The following EPS15 variants were observed in gnomAD, a reference collection of about 807,000 sequenced individuals.
EPS15 encodes epidermal growth factor receptor substrate 15.
A neutral mutation model predicts 113.8 loss-of-function variants in EPS15; 72 were observed. The ratio of observed to expected loss-of-function variants is 0.63; its 90% CI spans 0.52 to 0.77. EPS15 has a LOEUF of 0.77. Among genes scored for constraint, EPS15 ranks in the 30% least tolerant of loss-of-function variants. The pLI, the probability that EPS15 is intolerant of heterozygous loss-of-function variation, is 0.00. For missense variants in EPS15, 1,048 were observed against 1,045.8 expected (o/e 1.00, Z -0.03); for synonymous variants, 344 against 363.4 (o/e 0.95, Z 0.61).
intron 13 of EPS15, among the ~76,000 whole-genome samples, chr1:51,410,061 CAA>C (rs1352864932): frequency 2.6e-4 from 28 of 108,994 alleles, no homozygotes; most frequent in Admixed American, 3.8e-4. Flanking sequence ...AACAAAAATG[CAA>C]AAAAAAAAAA....
At chr1:51,508,993 C>A (rs1007823692) in intron 1 of EPS15, among the ~76,000 whole-genome samples, 2 of 152,142 alleles carry the variant, frequency 1.3e-5, no homozygotes, top group African/African-American at 4.8e-5. Flanking sequence ...CCAAAAGTTT[C>A]ATCATAATCA....
intron 8 of EPS15, chr1:51,460,889 G>A (rs994755301): frequency 2.2e-6 from 1 of 455,412 alleles, no homozygotes; most frequent in African/African-American, 2.1e-5. Context: ...GGGAGGTAGA[G>A]GTTGTGGTGA....
intron 1 of EPS15, among the ~76,000 whole-genome samples, chr1:51,494,827 T>G (rs2148542546): frequency 6.6e-6 from 1 of 152,406 alleles, no homozygotes. Flanking sequence ...ATACTGGATC[T>G]GTGCCCCACT....
At chr1:51,464,960 T>G (rs1654740507) in intron 6 of EPS15, among the ~76,000 whole-genome samples, 1 of 152,242 alleles carries the variant, frequency 6.6e-6, no homozygotes. Context: ...TAACCAGAAT[T>G]TTCAAGTAAG....
intron 21 of EPS15, among the ~76,000 whole-genome samples, chr1:51,392,708 T>C (rs1057012628): frequency 2.0e-5 from 3 of 152,254 alleles, no homozygotes; most frequent in African/African-American, 7.2e-5. Context: ...GCTAAAATAC[T>C]AGCCCATGCT....
intron 5 of EPS15, 86 bp from the exon 6 acceptor site, chr1:51,465,412 G>T: frequency 1.2e-6 from 1 of 807,990 alleles, no homozygotes. Context: ...ATTTAAATAT[G>T]TTCACACAAA....
intron 15 of EPS15, among the ~76,000 whole-genome samples, chr1:51,407,203 G>C (rs1376559183): frequency 6.6e-6 from 1 of 150,522 alleles, no homozygotes; most frequent in Admixed American, 6.6e-5. Flanking sequence ...TTTTTTTTTA[G>C]TTTTTATTTT....
intron 12 of EPS15, among the ~76,000 whole-genome samples, chr1:51,439,280 G>A (rs543669198): frequency 6.6e-6 from 1 of 152,114 alleles, no homozygotes; most frequent in African/African-American, 2.4e-5. Flanking sequence ...CTTAGTTTGG[G>A]TTTAGTTCTT....
intron 8 of EPS15, among the ~76,000 whole-genome samples, chr1:51,451,275 G>A (rs1653524659): frequency 2.0e-5 from 3 of 151,700 alleles, no homozygotes; most frequent in Admixed American, 2.0e-4. Context: ...GATCACCTGA[G>A]GTCAGGAGTT....
At chr1:51,471,060 G>T (rs1357602905) in intron 4 of EPS15, among the ~76,000 whole-genome samples, 1 of 152,096 alleles carries the variant, frequency 6.6e-6, no homozygotes, top group African/African-American at 2.4e-5. Context: ...CCAATATCTG[G>T]CTTTGATCCT....
intron 23 of EPS15, 60 bp from the exon 24 acceptor site, chr1:51,361,415 G>T: frequency 1.5e-6 from 2 of 1,297,574 alleles, no homozygotes; most frequent in Non-Finnish European, 1.1e-6. Context: ...AAGCACACAA[G>T]AACATGTACA....
Position 51,494,656 on chromosome 1 carries a change from C to CTTG in EPS15, c.34-13343_34-13342insCAA, listed in dbSNP as rs78358395. Reference sequence around the variant, plus strand: ...ATGGCTCAGAACAGAAACTTACTGTCTCACAATCTGGAAGCCAGAAGGCAT... The same window carrying CTTG: ...ATGGCTCAGAACAGAAACTTACTGTCTTGTCACAATCTGGAAGCCAGAAGGCAT... On this transcript the variant is annotated intron_variant, in intron 1 of 24. Coordinates refer to ENST00000371733, the MANE Select transcript of EPS15 (RefSeq NM_001981.3). Among the ~76,000 whole-genome samples, 102 of 152,348 alleles carry CTTG rather than the reference C, an allele frequency of 6.7e-4. 5 individuals carry two copies. The East Asian group carries it at 0.019, about 28-fold the overall frequency.
intron 1 of EPS15, among the ~76,000 whole-genome samples, chr1:51,488,106 A>G (rs1198736914): frequency 6.6e-6 from 1 of 152,222 alleles, no homozygotes; most frequent in East Asian, 1.9e-4. Flanking sequence ...GAGAATAAAC[A>G]CATCCTAATT....
chr1:51,406,859 C>CT (rs1399279051), intron 15 of EPS15, among the ~76,000 whole-genome samples: 1 of 152,052 alleles, frequency 6.6e-6, no homozygotes, highest in Admixed American at 6.6e-5. Flanking sequence ...AGGGAAAAAT[C>CT]TTATTATTGC....
chr1:51,405,212 A>C (rs1219209542), intron 16 of EPS15, among the ~76,000 whole-genome samples: 2 of 152,206 alleles, frequency 1.3e-5, no homozygotes, highest in Admixed American at 6.5e-5. Flanking sequence ...GGAAAGACTG[A>C]GGTCTCTTGT....
chr1:51,505,371 T>C (rs1408714768), intron 1 of EPS15, among the ~76,000 whole-genome samples: 1 of 152,218 alleles, frequency 6.6e-6, no homozygotes, highest in East Asian at 1.9e-4. Flanking sequence ...GAATTACTGA[T>C]ACTTGCTGCA....
chr1:51,357,426 A>ATATATAT (rs1443627608), intron 24 of EPS15, among the ~76,000 whole-genome samples: 21 of 53,520 alleles, frequency 3.9e-4, no homozygotes, highest in African/African-American at 1.4e-3. Flanking sequence ...ATATATATAT[A>ATATATAT]TTTTTTTTTT....
chr1:51,493,828 T>A (rs1188414834), intron 1 of EPS15, among the ~76,000 whole-genome samples: 1 of 152,032 alleles, frequency 6.6e-6, no homozygotes, highest in African/African-American at 2.4e-5. Flanking sequence ...TTGGCCAGGC[T>A]GGTCATGAAC....
intron 20 of EPS15, among the ~76,000 whole-genome samples, chr1:51,395,408 A>G (rs1199616327): frequency 6.6e-6 from 1 of 152,170 alleles, no homozygotes; most frequent in Non-Finnish European, 1.5e-5. Context: ...TTAATTCTCA[A>G]ATATCCTAGT....
Sources: gnomAD v4.1 joint callset for allele counts (sites outside exome capture counted in the v4.1 genomes callset) on GRCh38, gnomAD v4.1.1 for gene constraint, MANE v1.5 for transcripts, NCBI Gene and HGNC (gene_info 2026-07-23, HGNC 2026-07-21) for gene names.